TMEM106B: variants seen among roughly 807,000 people sequenced by gnomAD.
TMEM106B encodes transmembrane protein 106B.
Under a neutral mutation model 31.1 loss-of-function variants are expected in TMEM106B, and 15 were observed. The observed-to-expected ratio is 0.48, with a 90% CI of 0.32 to 0.74. TMEM106B has a LOEUF of 0.74. Among genes scored for constraint, TMEM106B ranks in the 30% least tolerant of loss-of-function variants. The pLI is 0.03. For synonymous variants in TMEM106B, 126 were observed against 112.5 expected, an observed-to-expected ratio of 1.12 and a Z score of -0.76; for missense variants, 283 against 327.3, an observed-to-expected ratio of 0.86 and a Z score of 1.04.
In TMEM106B at chr7:12,235,041, A is replaced by G. The variant is rs1782102941; in HGVS notation, c.*3066A>G. ...CCTGCTGACTCAGATTGGTATGATT[A>G]AAAATGAGAGGAAAGTTCAAATAGT... On this transcript the variant is annotated 3_prime_UTR_variant, in exon 8 of 8. Coordinates refer to ENST00000396668, the MANE Select transcript of TMEM106B (RefSeq NM_001134232.2). 1 of 152,270 alleles carries G rather than the reference A, an allele frequency of 6.6e-6. No homozygotes were observed. Among genetic ancestry groups the G allele is most frequent in the South Asian group, 2.1e-4 (1 of 4,828 alleles). The allele number at this position is 152,270 out of a possible 1,614,324, so 9.4% of individuals were successfully genotyped here.
intron 4 of TMEM106B, among the ~76,000 whole-genome samples, chr7:12,227,343 T>G (rs565730523): frequency 7.0e-4 from 107 of 152,172 alleles, no homozygotes; most frequent in African/African-American, 2.6e-3. Context: ...TATAAGACAT[T>G]TGAGAACTAT....
rs1234467436 is a variant in TMEM106B at position 12,242,859 on chromosome 7, T to A, written c.*10884T>A. 2 of 152,154 alleles carry A rather than the reference T, an allele frequency of 1.3e-5. No homozygotes were observed. The highest frequency in any genetic ancestry group is 4.8e-5 in the African/African-American group (2 of 41,456). 9.4% of individuals were successfully genotyped at this position (152,154 alleles called of 1,614,324 possible). A position where few individuals can be genotyped will look rare whatever the true frequency, so the allele number is the denominator to read the frequency against. ...GAATTCTGTATTCTTTTCATAACTT[T>A]TAACTTTTCCATAGGACCTATCACT... On this transcript the variant is annotated 3_prime_UTR_variant, in exon 8 of 8. Transcript: ENST00000396668.
chr7:12,215,361 A>G (rs117411044), intron 2 of TMEM106B, among the ~76,000 whole-genome samples: 1,904 of 151,654 alleles, frequency 0.013, 18 homozygotes, highest in Non-Finnish European at 0.018. Context: ...CTACTTTGCT[A>G]TATCAGATGT....
At position 12,240,887 on chromosome 7, in the gene TMEM106B, CT is replaced by C. The variant is rs1470150853; in HGVS notation, c.*8914del. On this transcript the variant is annotated 3_prime_UTR_variant, in exon 8 of 8. Coordinates refer to ENST00000396668, the MANE Select transcript of TMEM106B (RefSeq NM_001134232.2). ...TGGCCTAGAGGGTAGTGTACAGTCA[CT>C]TCTTCAGTGATAACTTACTGAGTGT... The C allele has an allele frequency of 6.6e-6, 1 of 152,166 alleles. No individual in the cohort carries two copies. The highest frequency in any genetic ancestry group is 1.5e-5 in the Non-Finnish European group (1 of 68,038). The allele number at this position is 152,166 out of a possible 1,614,324, so 9.4% of individuals were successfully genotyped here. A position where few individuals can be genotyped will look rare whatever the true frequency, so the allele number is the denominator to read the frequency against.
chr7:12,215,158 T>TA (rs1781661763), intron 2 of TMEM106B, 131 bp downstream of exon 2: 3 of 669,362 alleles, frequency 4.5e-6, no homozygotes, highest in Non-Finnish European at 7.3e-6. Context: ...TCATATCAGT[T>TA]ACCTTCAGTC....
intron 5 of TMEM106B, 122 bp downstream of exon 5, chr7:12,229,941 G>A (rs1188952979): frequency 1.4e-5 from 16 of 1,131,992 alleles, no homozygotes; most frequent in Non-Finnish European, 2.0e-5. Context: ...TCTCTGCTGG[G>A]TACAGTGGCT....
Position 12,224,291 on chromosome 7 carries a change from T to G in TMEM106B, c.347T>G (p.Leu116Arg). Residue 116 changes from leucine to arginine, a missense_variant, in exon 4 of 8, where the codon CTT (leucine) becomes CGT (arginine). Leu to Arg is a moderately radical substitution (Grantham distance 102). Around this residue, in one of 3 missense-constraint regions of TMEM106B, gnomAD observed 201 missense variants for 211.5 expected, o/e 0.95. Transcript: ENST00000396668. ...LLLSGLAVFFLFPRSIDVKYI... is the reference protein window; with the variant it reads ...LLLSGLAVFFRFPRSIDVKYI... ...CTTTCTGGATTGGCTGTGTTTTTCC[T>G]TTTCCCTCGCTCTATCGACGTGAAA... 6.2e-7 allele frequency: 1 copy of G among 1,613,932 alleles called. No individual in the cohort carries two copies. The highest frequency in any genetic ancestry group is 8.5e-7 in the Non-Finnish European group (1 of 1,179,820).
In TMEM106B at chr7:12,240,178, T is replaced by C. The variant is rs1326177972; in HGVS notation, c.*8203T>C. 2.0e-5 allele frequency: 3 copies of C among 152,198 alleles called. No homozygotes were observed. Among genetic ancestry groups the C allele is most frequent in the Non-Finnish European group, 2.9e-5 (2 of 68,034 alleles). The allele number at this position is 152,198 out of a possible 1,614,324, so 9.4% of individuals were successfully genotyped here. On this transcript the variant is annotated 3_prime_UTR_variant, in exon 8 of 8. Transcript: ENST00000396668. ...CCTGACCAAATCGAGTTCTTTCTCA[T>C]TGGGAACAGTTCATTCCTTTATCCC...
intron 1 of TMEM106B, among the ~76,000 whole-genome samples, chr7:12,212,115 C>G (rs182107756): frequency 2.4e-3 from 361 of 152,298 alleles, no homozygotes; most frequent in Non-Finnish European, 4.0e-3. Context: ...TGGCACTTGT[C>G]CAAACACCTA....
intron 4 of TMEM106B, among the ~76,000 whole-genome samples, chr7:12,228,578 A>G (rs1485490244): frequency 1.3e-5 from 2 of 151,756 alleles, no homozygotes; most frequent in Non-Finnish European, 2.9e-5. Context: ...TCCAAATAAC[A>G]CTGTCATTAG....
In TMEM106B at chr7:12,227,016, C is replaced by T. The variant is rs529480081; in HGVS notation, c.441+2631C>T. On this transcript the variant is annotated intron_variant, in intron 4 of 7. Transcript: ENST00000396668. ...ATGTACTAATAAATAATAAAAAACCCTGTGATGTTTTCTTTTAAGTACCAG... is the reference window on the plus strand; with the variant it reads ...ATGTACTAATAAATAATAAAAAACCTTGTGATGTTTTCTTTTAAGTACCAG... 3.9e-5 allele frequency among the ~76,000 whole-genome samples: 6 copies of T among 151,962 alleles called. No individual in the cohort carries two copies. In the South Asian group the frequency reaches 1.2e-3, roughly 32 times the overall value.
At chr7:12,217,767 A>T (rs763897930) in intron 2 of TMEM106B, among the ~76,000 whole-genome samples, 1 of 152,194 alleles carries the variant, frequency 6.6e-6, no homozygotes, top group Non-Finnish European at 1.5e-5. Flanking sequence ...GAAAGCTTTT[A>T]AAGAGAACTT....
At chr7:12,215,496 C>T (rs999419051) in intron 2 of TMEM106B, 4 of 177,452 alleles carry the variant, frequency 2.3e-5, no homozygotes, top group Admixed American at 1.8e-4. Context: ...CTCGGCTTCC[C>T]AGAGTGCTAG....
intron 6 of TMEM106B, 27 bp downstream of exon 6, chr7:12,230,465 T>C (rs1231352795): frequency 1.4e-6 from 2 of 1,390,676 alleles, no homozygotes; most frequent in South Asian, 1.2e-5. Context: ...AATAACTTTT[T>C]ATTGTCAAAT....
Position 12,231,958 on chromosome 7 carries a change from C to T in TMEM106B, c.808C>T (p.Leu270Phe). 6.2e-7 allele frequency: 1 copy of T among 1,610,958 alleles called. No homozygotes were observed. Among genetic ancestry groups the T allele is most frequent in the Non-Finnish European group, 8.5e-7 (1 of 1,177,962 alleles). Residue 270 changes from leucine (L) to phenylalanine (F), a missense_variant, in exon 8 of 8, where the codon CTT becomes TTT. Physicochemically the swap from Leu to Phe is conservative, Grantham distance 22 (BLOSUM62 0). Around this residue, in one of 3 missense-constraint regions of TMEM106B, gnomAD observed 201 missense variants for 211.5 expected, o/e 0.95. Coordinates refer to ENST00000396668, the MANE Select transcript of TMEM106B (RefSeq NM_001134232.2). ...QLGQSEYLNV[L>F]QPQQ The stretch of plus-strand genomic sequence containing the variant: ...GGGGCAGTCTGAATATTTAAATGTA[C>T]TTCAGCCACAACAGTAAAAACTGGA...
In TMEM106B at chr7:12,224,411, G is replaced by A. The variant is rs372753178; in HGVS notation, c.441+26G>A. 3.8e-6 allele frequency: 6 copies of A among 1,574,784 alleles called. No homozygotes were observed. The African/African-American group carries it at 6.8e-5, about 18-fold the overall frequency. On this transcript the variant is annotated intron_variant, in intron 4 of 7. Transcript: ENST00000396668. ...GTGAGTATAAATTTATATGAAAAAT[G>A]TTTAACTTCATTCTTTTATCCTATT...
At chr7:12,222,492 T>G (rs1386333034) in intron 3 of TMEM106B, among the ~76,000 whole-genome samples, 1 of 152,200 alleles carries the variant, frequency 6.6e-6, no homozygotes, top group Non-Finnish European at 1.5e-5. Flanking sequence ...GACTAGATTA[T>G]GATGGATTCA....
At position 12,237,998 on chromosome 7, in the gene TMEM106B, A is replaced by G. The variant is rs1458819973; in HGVS notation, c.*6023A>G. 2 of 152,236 alleles carry G rather than the reference A, an allele frequency of 1.3e-5. No individual in the cohort carries two copies. The highest frequency in any genetic ancestry group is 4.8e-5 in the African/African-American group (2 of 41,434). The allele number at this position is 152,236 out of a possible 1,614,324, so 9.4% of individuals were successfully genotyped here. A position where few individuals can be genotyped will look rare whatever the true frequency, so the allele number is the denominator to read the frequency against. On this transcript the variant is annotated 3_prime_UTR_variant, in exon 8 of 8. Coordinates refer to ENST00000396668, the MANE Select transcript of TMEM106B (RefSeq NM_001134232.2). ...TTGGGGTGGCTATGGCAATTTCTTAAGACAACAATGAAGTTTATCACATCT... is the reference window on the plus strand; with the variant it reads ...TTGGGGTGGCTATGGCAATTTCTTAGGACAACAATGAAGTTTATCACATCT...
rs1441274612 is a variant in TMEM106B, at chr7:12,237,810, T to TACACAC, written c.*5836_*5837insCACACA. ...ACATGGCGAGACCCCATATAAAATATATACATACACACACACACACACACA... is the reference window on the plus strand; with the variant it reads ...ACATGGCGAGACCCCATATAAAATATACACACATACATACACACACACACACACACA... On this transcript the variant is annotated 3_prime_UTR_variant, in exon 8 of 8. Transcript: ENST00000396668. The TACACAC allele has an allele frequency of 0.05, 5,899 of 117,738 alleles. 163 individuals are homozygous for TACACAC. Among genetic ancestry groups the TACACAC allele is most frequent in the Non-Finnish European group, 0.064 (3,683 of 57,724 alleles). 7.3% of individuals were successfully genotyped at this position (117,738 alleles called of 1,614,324 possible). A position where few individuals can be genotyped will look rare whatever the true frequency, so the allele number is the denominator to read the frequency against.
Sources: allele counts gnomAD v4.1 joint callset (sites outside exome capture counted in the v4.1 genomes callset), GRCh38; gene constraint gnomAD v4.1.1; regional missense constraint gnomAD v4.1.1; transcripts MANE v1.5; gene names NCBI Gene and HGNC (gene_info 2026-07-23, HGNC 2026-07-21).